GPR158: variants seen among roughly 807,000 people sequenced by gnomAD.
The protein encoded by GPR158 is G protein-coupled receptor 158, also known as metabotropic glycine receptor.
A neutral mutation model predicts 78.2 loss-of-function variants in GPR158; 30 were observed. The ratio of observed to expected loss-of-function variants is 0.38; its 90% CI spans 0.29 to 0.52. The LOEUF (loss-of-function observed/expected upper bound fraction) is 0.52, where lower values mean the gene tolerates loss of function less well. GPR158 is among the 20% of genes least tolerant of loss of function. The pLI is 0.83. For missense variants in GPR158, 1,463 were observed against 1,523.5 expected, an observed-to-expected ratio of 0.96 and a Z score of 0.66; for synonymous variants, 581 against 591.1, an observed-to-expected ratio of 0.98 and a Z score of 0.25.
intron 2 of GPR158, among the ~76,000 whole-genome samples, chr10:25,290,942 A>T (rs777062736): frequency 6.6e-6 from 1 of 152,066 alleles, no homozygotes; most frequent in Non-Finnish European, 1.5e-5. Context: ...AATTTAACCA[A>T]ATTATTTAAA....
intron 2 of GPR158, among the ~76,000 whole-genome samples, chr10:25,298,041 G>A (rs1348136238): frequency 2.0e-5 from 3 of 152,002 alleles, no homozygotes; most frequent in African/African-American, 7.3e-5. Context: ...CATATTGTGG[G>A]GATTGTGTTT....
rs1033916089 is a variant in GPR158 at position 25,590,214 on chromosome 10, C to T, written c.1892+1069C>T. On this transcript the variant is annotated intron_variant, in intron 8 of 10. Transcript: ENST00000376351. ...GCCAGACAGCAGTGGGCCTCAGTTA[C>T]AGCCTACACTTTTAAAACTTTTAAA... is the stretch of plus-strand genomic sequence containing the variant. 2.6e-5 allele frequency among the ~76,000 whole-genome samples: 4 copies of T among 152,052 alleles called. 1 individual carries two copies. The highest frequency in any genetic ancestry group is 9.7e-5 in the African/African-American group (4 of 41,412).
At chr10:25,568,091 G>A (rs1836955681) in intron 6 of GPR158, among the ~76,000 whole-genome samples, 1 of 151,926 alleles carries the variant, frequency 6.6e-6, no homozygotes, top group Non-Finnish European at 1.5e-5. Flanking sequence ...AACAGCAAAG[G>A]TAGGTTGGAG....
intron 1 of GPR158, among the ~76,000 whole-genome samples, chr10:25,203,314 G>T (rs148810926): frequency 6.6e-6 from 1 of 152,042 alleles, no homozygotes; most frequent in Non-Finnish European, 1.5e-5. Context: ...TGTTTTAGTC[G>T]TGAAGTCCTT....
At chr10:25,412,526 T>A in intron 4 of GPR158, 53 bp downstream of exon 4, 1 of 1,238,458 alleles carries the variant, frequency 8.1e-7, no homozygotes, top group Non-Finnish European at 1.2e-6. Flanking sequence ...ACCTCTTATC[T>A]TTTTAAGCAA....
intron 2 of GPR158, among the ~76,000 whole-genome samples, chr10:25,389,299 A>G (rs1240811196): frequency 2.0e-5 from 3 of 152,148 alleles, no homozygotes; most frequent in Admixed American, 2.0e-4. Context: ...AACCAACTGC[A>G]GAGAGGAGCT....
At chr10:25,200,226 T>G (rs901991013) in intron 1 of GPR158, among the ~76,000 whole-genome samples, 1 of 152,230 alleles carries the variant, frequency 6.6e-6, no homozygotes, top group Non-Finnish European at 1.5e-5. Context: ...TGTGAGATGG[T>G]ATCATTGTGG....
chr10:25,460,717 T>C (rs998481012), intron 4 of GPR158, among the ~76,000 whole-genome samples: 5 of 152,224 alleles, frequency 3.3e-5, no homozygotes, highest in Non-Finnish European at 7.3e-5. Flanking sequence ...TTAGTATGTA[T>C]ATGTACACAG....
chr10:25,515,992 T>A (rs1452764918), intron 5 of GPR158, among the ~76,000 whole-genome samples: 2 of 150,428 alleles, frequency 1.3e-5, no homozygotes, highest in African/African-American at 2.4e-5. Context: ...ACCAACAGTG[T>A]AAAAGTGTTC....
intron 2 of GPR158, among the ~76,000 whole-genome samples, chr10:25,265,675 A>C (rs1425734186): frequency 1.3e-5 from 2 of 152,144 alleles, no homozygotes; most frequent in African/African-American, 2.4e-5. Context: ...TGAAAGAATG[A>C]AAGACCTTTC....
chr10:25,422,118 GC>G (rs1467884632), intron 4 of GPR158, among the ~76,000 whole-genome samples: 1 of 152,134 alleles, frequency 6.6e-6, no homozygotes, highest in African/African-American at 2.4e-5. Context: ...ACCGACTGTT[GC>G]TTCTATATGG....
rs147273098 is a variant in GPR158 at position 25,307,209 on chromosome 10, T to C, written c.1008+86052T>C. ...TGAGCATTAGCCAATATAAGCATAA[T>C]TCTATTTAAAGATAGTGTTTTTTTT... On this transcript the variant is annotated intron_variant, in intron 2 of 10. Transcript: ENST00000376351. Among the ~76,000 whole-genome samples the C allele has an allele frequency of 3.2e-4, 48 of 152,186 alleles. 1 individual carries two copies. The East Asian group carries it at 8.9e-3, about 28-fold the overall frequency.
chr10:25,229,583 AACTT>A (rs1853421094), intron 2 of GPR158, among the ~76,000 whole-genome samples: 1 of 152,196 alleles, frequency 6.6e-6, no homozygotes, highest in African/African-American at 2.4e-5. Flanking sequence ...CAGGTTAAAT[AACTT>A]ATTTATAATC....
chr10:25,261,404 C>T (rs1300110513), intron 2 of GPR158, among the ~76,000 whole-genome samples: 1 of 152,102 alleles, frequency 6.6e-6, no homozygotes, highest in Non-Finnish European at 1.5e-5. Context: ...TCTACTATAC[C>T]TATGGTCAAC....
At position 25,449,535 on chromosome 10, in the gene GPR158, A is replaced by G. The variant is rs141364048; in HGVS notation, c.1336-17116A>G. ...CACAAAACATGGGGAACATCACCCA[A>G]TGTGGTTAGTTCAGAAAAGACTTTC... On this transcript the variant is annotated intron_variant, in intron 4 of 10. Transcript: ENST00000376351. 1.6e-3 allele frequency among the ~76,000 whole-genome samples: 242 copies of G among 152,332 alleles called. 1 individual carries two copies. The highest frequency in any genetic ancestry group is 5.0e-3 in the African/African-American group (208 of 41,580).
At chr10:25,307,888 A>G (rs1490995673) in intron 2 of GPR158, among the ~76,000 whole-genome samples, 1 of 152,158 alleles carries the variant, frequency 6.6e-6, no homozygotes, top group Non-Finnish European at 1.5e-5. Context: ...TATATTTTGA[A>G]AGTGCATCTT....
At chr10:25,343,069 C>G (rs1004627532) in intron 2 of GPR158, among the ~76,000 whole-genome samples, 1 of 151,968 alleles carries the variant, frequency 6.6e-6, no homozygotes, top group Non-Finnish European at 1.5e-5. Context: ...TATGAGCAAA[C>G]TTCCTAGTGA....
At chr10:25,571,120 C>G (rs774668006) in intron 6 of GPR158, among the ~76,000 whole-genome samples, 1 of 139,504 alleles carries the variant, frequency 7.2e-6, no homozygotes, top group African/African-American at 3.1e-5. Flanking sequence ...CCAGTGTTAG[C>G]GTTCACTATG....
At chr10:25,457,839 A>T (rs763161578) in intron 4 of GPR158, among the ~76,000 whole-genome samples, 7 of 152,218 alleles carry the variant, frequency 4.6e-5, no homozygotes, top group Non-Finnish European at 1.0e-4. Flanking sequence ...AGAAAATCAG[A>T]TGAGACTAGA....
Sources: allele counts gnomAD v4.1 joint callset (sites outside exome capture counted in the v4.1 genomes callset), GRCh38; gene constraint gnomAD v4.1.1; transcripts MANE v1.5; gene names NCBI Gene and HGNC (gene_info 2026-07-23, HGNC 2026-07-21).